Variants in TNS1 observed in about 807,000 individuals in gnomAD.
TNS1 encodes tensin 1.
In TNS1, 62 loss-of-function variants were observed where a neutral mutation model predicts 168.6. The observed-to-expected ratio is 0.37, with a 90% CI of 0.30 to 0.45. The LOEUF (loss-of-function observed/expected upper bound fraction) is 0.45, where lower values mean the gene tolerates loss of function less well. TNS1 is among the 20% of genes least tolerant of loss of function. TNS1 has a pLI of 1.00. For missense variants in TNS1, 2,240 were observed against 2,339.4 expected, an observed-to-expected ratio of 0.96 and a Z score of 0.88; for synonymous variants, 934 against 933.2, an observed-to-expected ratio of 1.00 and a Z score of -0.02.
chr2:218,010,729 G>A (rs972075681), upstream of TNS1, among the ~76,000 whole-genome samples: 4 of 152,140 alleles, frequency 2.6e-5, no homozygotes, highest in Non-Finnish European at 4.4e-5. Flanking sequence ...TGGCTGCAGT[G>A]AGGGTGTGAG....
chr2:217,814,302 C>CT lies in TNS1; in HGVS notation c.4730-487_4730-486insA, dbSNP rs1478491846. On this transcript the variant is annotated intron_variant, in intron 25 of 32. Coordinates refer to ENST00000682258, the MANE Select transcript of TNS1 (RefSeq NM_001387777.1). ...AAGTGCTGGGATTATAGGTGTGCAC[C>CT]ACCACACCTGGCTGGCAAACTTACT... is the stretch of plus-strand genomic sequence containing the variant. Among the ~76,000 whole-genome samples, 1,218 of 152,240 alleles carry CT rather than the reference C, an allele frequency of 8.0e-3. 15 individuals are homozygous for CT. Among genetic ancestry groups the CT allele is most frequent in the African/African-American group, 0.028 (1,158 of 41,528 alleles).
At chr2:217,988,476 G>C (rs568685522) in intron 2 of TNS1, among the ~76,000 whole-genome samples, 5 of 152,132 alleles carry the variant, frequency 3.3e-5, no homozygotes, top group African/African-American at 1.2e-4. Context: ...AGACTGCCTC[G>C]TATCACCATA....
chr2:217,931,107 C>T (rs762155869), intron 3 of TNS1, among the ~76,000 whole-genome samples: 6 of 152,142 alleles, frequency 3.9e-5, no homozygotes, highest in Non-Finnish European at 8.8e-5. Context: ...ATGGCCCCGC[C>T]CGGGAGGGAA....
intron 3 of TNS1, among the ~76,000 whole-genome samples, chr2:217,965,991 G>C (rs1388235744): frequency 1.3e-5 from 2 of 151,520 alleles, no homozygotes; most frequent in African/African-American, 2.4e-5. Context: ...GTTCCACCAG[G>C]ACCCCAGGAC....
intron 2 of TNS1, among the ~76,000 whole-genome samples, chr2:217,984,694 T>C (rs1029508007): frequency 1.3e-5 from 2 of 151,428 alleles, no homozygotes; most frequent in African/African-American, 2.4e-5. Context: ...GGTCCTGCTA[T>C]GTTGCCCAGG....
At chr2:217,925,659 A>G (rs575085468) in intron 3 of TNS1, among the ~76,000 whole-genome samples, 1 of 152,298 alleles carries the variant, frequency 6.6e-6, no homozygotes, top group East Asian at 1.9e-4. Context: ...CACATAACAT[A>G]ACACTTACTA....
chr2:218,003,919 G>A (rs1459101923), upstream of TNS1, among the ~76,000 whole-genome samples: 1 of 152,050 alleles, frequency 6.6e-6, no homozygotes, highest in Non-Finnish European at 1.5e-5. Flanking sequence ...ACAATTGTTG[G>A]GGGTCTAGAG....
chr2:217,854,468 T>C (rs1392335840), intron 18 of TNS1, among the ~76,000 whole-genome samples: 6 of 152,054 alleles, frequency 3.9e-5, no homozygotes, highest in Non-Finnish European at 8.8e-5. Context: ...GTCCAGCAAA[T>C]AACAATTCAT....
In TNS1 at chr2:217,817,852, G is replaced by C; in HGVS notation, c.4480C>G (p.Arg1494Gly). ...GSPTPALPEK[R>G]RMSVGDRAGS... The stretch of plus-strand genomic sequence containing the variant: ...GCCCGGTCTCCCACTGACATCCTTC[G>C]CTTCTCTGGCAAGGCTGGTGTTGGG... The change falls in exon 24 of 33, where the codon CGA becomes GGA. Residue 1494 changes from arginine (R) to glycine (G), a missense_variant. Physicochemically the swap from Arg to Gly is moderately radical, Grantham distance 125 (BLOSUM62 -2). This residue lies in a region of TNS1 where 2,131 missense variants were observed against 2,171.2 expected (regional missense o/e 0.98). Coordinates refer to ENST00000682258, the MANE Select transcript of TNS1 (RefSeq NM_001387777.1). 1 of 1,614,210 alleles carries C rather than the reference G, an allele frequency of 6.2e-7. No homozygotes were observed.
At chr2:217,854,542 T>C (rs186121078) in intron 18 of TNS1, among the ~76,000 whole-genome samples, 4 of 152,082 alleles carry the variant, frequency 2.6e-5, no homozygotes, top group African/African-American at 9.6e-5. Context: ...GCCATGACAA[T>C]AGGAAGAAGC....
chr2:217,954,562 G>A (rs1278882355), intron 3 of TNS1, among the ~76,000 whole-genome samples: 1 of 152,192 alleles, frequency 6.6e-6, no homozygotes, highest in East Asian at 1.9e-4. Context: ...TTGTCCAAAT[G>A]TCACAAGGCT....
chr2:217,951,674 T>A (rs541595074), intron 3 of TNS1, among the ~76,000 whole-genome samples: 18 of 151,888 alleles, frequency 1.2e-4, no homozygotes, highest in African/African-American at 3.6e-4. Context: ...TCACTCCCCA[T>A]CCTCAAGGCG....
chr2:217,984,976 C>G (rs1210474498), intron 2 of TNS1, among the ~76,000 whole-genome samples: 2 of 151,916 alleles, frequency 1.3e-5, no homozygotes, highest in Non-Finnish European at 1.5e-5. Context: ...CAAGGCTGGT[C>G]TCAAACTCCT....
chr2:217,946,917 C>G (rs1364790861), intron 3 of TNS1, among the ~76,000 whole-genome samples: 1 of 151,218 alleles, frequency 6.6e-6, no homozygotes, highest in Non-Finnish European at 1.5e-5. Flanking sequence ...TCAGCTCTCC[C>G]CAGTGTCATT....
chr2:217,939,110 A>C (rs1173507198), intron 3 of TNS1, among the ~76,000 whole-genome samples: 1 of 152,192 alleles, frequency 6.6e-6, no homozygotes, highest in Admixed American at 6.5e-5. Context: ...ACACCGCCCA[A>C]AGTGTTTTAA....
At chr2:218,021,202 A>G (rs1396119089) in intron 1 of TNS1, among the ~76,000 whole-genome samples, 1 of 152,030 alleles carries the variant, frequency 6.6e-6, no homozygotes, top group Non-Finnish European at 1.5e-5. Flanking sequence ...GGACCTCCTG[A>G]TGGAGAATGA....
intron 3 of TNS1, among the ~76,000 whole-genome samples, chr2:217,958,265 G>C (rs1354509874): frequency 2.0e-5 from 3 of 151,508 alleles, no homozygotes; most frequent in Non-Finnish European, 4.4e-5. Flanking sequence ...TAACTGACAT[G>C]GTCAAATGGG....
chr2:217,896,809 G>A (rs545805960), intron 8 of TNS1, among the ~76,000 whole-genome samples: 1 of 152,236 alleles, frequency 6.6e-6, no homozygotes, highest in South Asian at 2.1e-4. Context: ...TATAAAAAAT[G>A]TACTATTTGC....
At chr2:217,953,300 G>T (rs1279152141) in intron 3 of TNS1, among the ~76,000 whole-genome samples, 1 of 152,200 alleles carries the variant, frequency 6.6e-6, no homozygotes, top group Non-Finnish European at 1.5e-5. Flanking sequence ...CGCCCTCTGG[G>T]TGCTCCTCAC....
Sources: gnomAD v4.1 joint callset for allele counts (sites outside exome capture counted in the v4.1 genomes callset) on GRCh38, gnomAD v4.1.1 for gene constraint, gnomAD v4.1.1 regional missense constraint, MANE v1.5 for transcripts, NCBI Gene and HGNC (gene_info 2026-07-23, HGNC 2026-07-21) for gene names.